TMTC4: variants seen among roughly 807,000 people sequenced by gnomAD.
The protein encoded by TMTC4 is protein O-mannosyl-transferase TMTC4.
TMTC4 carries 65 observed loss-of-function variants against 86.0 expected under a neutral mutation model. The ratio of observed to expected loss-of-function variants is 0.76; its 90% CI spans 0.62 to 0.93. The LOEUF is 0.93. Ranked by LOEUF, TMTC4 falls within the 40% of genes least tolerant of loss-of-function variation. TMTC4 has a pLI of 0.00. For missense variants in TMTC4, 866 were observed against 948.1 expected, an observed-to-expected ratio of 0.91 and a Z score of 1.14; for synonymous variants, 379 against 382.5, an observed-to-expected ratio of 0.99 and a Z score of 0.11.
intron 4 of TMTC4, among the ~76,000 whole-genome samples, chr13:100,663,466 CGAT>C (rs1410265488): frequency 1.3e-5 from 2 of 152,112 alleles, no homozygotes; most frequent in African/African-American, 4.8e-5. Context: ...GAAAGCTAGA[CGAT>C]GTTTTAAGTG....
intron 18 of TMTC4, among the ~76,000 whole-genome samples, 186 bp downstream of exon 18, chr13:100,606,172 T>C (rs894459917): frequency 1.3e-5 from 2 of 152,216 alleles, no homozygotes; most frequent in Admixed American, 6.5e-5. Context: ...GCTGTTCTGG[T>C]CATGCAATTG....
At chr13:100,668,462 G>C (rs545097117) in intron 3 of TMTC4, 117 bp downstream of exon 3, 7 of 1,036,546 alleles carry the variant, frequency 6.8e-6, no homozygotes, top group African/African-American at 3.2e-5. Context: ...GAGCACCATC[G>C]GGGCCCAGGC....
intron 12 of TMTC4, among the ~76,000 whole-genome samples, chr13:100,630,266 A>G (rs1415193236): frequency 6.6e-6 from 1 of 152,192 alleles, no homozygotes; most frequent in East Asian, 1.9e-4. Flanking sequence ...CTGGAAGAAT[A>G]TGCAGCAGTG....
rs182880852 is a variant in TMTC4 at position 100,626,154 on chromosome 13, C to A, written c.1507-4G>T. ...TTTTGCCAATGTTGTAGTGAACCTGCAGACAGAGAATAATTGGGCCATCAG... is the reference window on the plus strand; with the variant it reads ...TTTTGCCAATGTTGTAGTGAACCTGAAGACAGAGAATAATTGGGCCATCAG... On this transcript the variant is annotated splice_polypyrimidine_tract_variant and splice_region_variant and intron_variant, in intron 12 of 18. Coordinates refer to ENST00000342624, the MANE Select transcript of TMTC4 (RefSeq NM_032813.5). 1.7e-3 allele frequency: 2,721 copies of A among 1,614,078 alleles called. 8 individuals carry two copies. The highest frequency in any genetic ancestry group is 3.4e-3 in the Admixed American group (205 of 60,022).
chr13:100,674,989 A>T (rs1887687909), upstream of TMTC4: 1 of 985,434 alleles, frequency 1.0e-6, no homozygotes, highest in Non-Finnish European at 1.2e-6. Context: ...GTCCCTCCTC[A>T]GCTCATTGGC....
intron 6 of TMTC4, among the ~76,000 whole-genome samples, chr13:100,646,667 C>G (rs558786008): frequency 2.8e-4 from 42 of 152,266 alleles, no homozygotes; most frequent in Middle Eastern, 3.4e-3. Flanking sequence ...AGGCATGGAG[C>G]CCGGAAGTCA....
At chr13:100,653,946 A>T (rs2786954) in intron 6 of TMTC4, among the ~76,000 whole-genome samples, 107,944 of 151,562 alleles carry the variant, frequency 0.71, 39,482 homozygotes, top group East Asian at 0.99. Flanking sequence ...CCAAAGACCA[A>T]AGAGGCTGTT....
At chr13:100,632,989 T>C (rs1272780850) in intron 12 of TMTC4, among the ~76,000 whole-genome samples, 2 of 152,088 alleles carry the variant, frequency 1.3e-5, no homozygotes, top group Non-Finnish European at 2.9e-5. Context: ...CCCAACATAA[T>C]GCAAAACCCA....
At chr13:100,630,322 T>TA (rs915824817) in intron 12 of TMTC4, among the ~76,000 whole-genome samples, 33 of 152,124 alleles carry the variant, frequency 2.2e-4, no homozygotes, top group African/African-American at 7.7e-4. Flanking sequence ...GCATATAGAT[T>TA]TATGTTTACC....
intron 4 of TMTC4, 61 bp downstream of exon 4, chr13:100,664,160 T>C: frequency 4.2e-6 from 6 of 1,413,836 alleles, no homozygotes; most frequent in Non-Finnish European, 5.8e-6. Context: ...CACACACCTG[T>C]ATCCAATGTC....
chr13:100,608,814 T>C (rs1341675568), intron 17 of TMTC4, among the ~76,000 whole-genome samples: 1 of 152,190 alleles, frequency 6.6e-6, no homozygotes, highest in Non-Finnish European at 1.5e-5. Context: ...ATTTTTTTTC[T>C]GAACAGAAAG....
At chr13:100,657,473 T>C (rs1262695250) in intron 5 of TMTC4, among the ~76,000 whole-genome samples, 2 of 152,242 alleles carry the variant, frequency 1.3e-5, no homozygotes, top group Admixed American at 6.5e-5. Flanking sequence ...TGAAGCAATA[T>C]CAACTATGTG....
Position 100,604,674 on chromosome 13 carries a change from T to C in TMTC4, c.*320A>G, listed in dbSNP as rs921660682. On this transcript the variant is annotated 3_prime_UTR_variant, in exon 19 of 19. Coordinates refer to ENST00000342624, the MANE Select transcript of TMTC4 (RefSeq NM_032813.5). ...TAGTCCATACACGACAAGGCTCAGA[T>C]CCCAAATGTAAGCTCAATTCTACTA... The C allele has an allele frequency of 6.1e-5, 13 of 212,670 alleles. No homozygotes were observed. The highest frequency in any genetic ancestry group is 2.8e-4 in the Admixed American group (5 of 17,714). 13.2% of individuals were successfully genotyped at this position (212,670 alleles called of 1,614,324 possible).
At chr13:100,644,391 T>C (rs183516718) in intron 6 of TMTC4, among the ~76,000 whole-genome samples, 41 of 152,068 alleles carry the variant, frequency 2.7e-4, no homozygotes, top group Non-Finnish European at 5.4e-4. Context: ...GCGTGAGTTA[T>C]TGCGCCCGGC....
At chr13:100,630,045 G>A (rs202182233) in intron 12 of TMTC4, among the ~76,000 whole-genome samples, 27,504 of 151,492 alleles carry the variant, frequency 0.18, 2,788 homozygotes, top group Admixed American at 0.24. Flanking sequence ...GTGTGTGTGT[G>A]TGTGTGTGTG....
At chr13:100,640,919 G>C (rs1378094867) in intron 7 of TMTC4, among the ~76,000 whole-genome samples, 2 of 152,078 alleles carry the variant, frequency 1.3e-5, no homozygotes, top group Non-Finnish European at 2.9e-5. Flanking sequence ...ATGGAAAGCA[G>C]GAAACTGGTT....
chr13:100,640,243 CAT>C (rs1182980404), intron 7 of TMTC4, among the ~76,000 whole-genome samples: 2 of 152,044 alleles, frequency 1.3e-5, no homozygotes, highest in Non-Finnish European at 2.9e-5. Context: ...GTCCCACTGG[CAT>C]CTAGTAGGTG....
intron 1 of TMTC4, chr13:100,673,996 C>T (rs984273054): frequency 1.0e-6 from 1 of 984,136 alleles, no homozygotes; most frequent in Admixed American, 6.1e-5. Flanking sequence ...TCTAACTCCT[C>T]CCTTCTTTTG....
chr13:100,668,459 A>G, intron 3 of TMTC4, 120 bp downstream of exon 3: 1 of 1,008,976 alleles, frequency 9.9e-7, no homozygotes, highest in East Asian at 2.6e-5. Context: ...CGAGAGCACC[A>G]TCGGGGCCCA....
Sources: allele counts gnomAD v4.1 joint callset (sites outside exome capture counted in the v4.1 genomes callset), GRCh38; gene constraint gnomAD v4.1.1; transcripts MANE v1.5; gene names NCBI Gene and HGNC (gene_info 2026-07-23, HGNC 2026-07-21).